PTPRG: variants seen among roughly 807,000 people sequenced by gnomAD.
PTPRG encodes receptor-type tyrosine-protein phosphatase gamma.
A neutral mutation model predicts 165.3 loss-of-function variants in PTPRG; 102 were observed. The ratio of observed to expected loss-of-function variants is 0.62; its 90% confidence interval spans 0.53 to 0.73. The LOEUF (loss-of-function observed/expected upper bound fraction) is 0.73, where lower values mean the gene tolerates loss of function less well. PTPRG is among the 30% of genes least tolerant of loss of function. The pLI is 0.00. For missense variants in PTPRG, 1,866 were observed against 1,861.4 expected, an observed-to-expected ratio of 1.00 and a Z score of -0.05; for synonymous variants, 675 against 669.5, an observed-to-expected ratio of 1.01 and a Z score of -0.13.
intron 5 of PTPRG, among the ~76,000 whole-genome samples, chr3:62,097,182 T>TGGCTGTAAAACC (rs1702147203): frequency 6.6e-6 from 1 of 152,216 alleles, no homozygotes; most frequent in African/African-American, 2.4e-5. Context: ...AAGGAGATAT[T>TGGCTGTAAAACC]GGCTGTAAAA....
chr3:62,101,072 G>C (rs2106826368), intron 5 of PTPRG, among the ~76,000 whole-genome samples: 1 of 152,318 alleles, frequency 6.6e-6, no homozygotes, highest in East Asian at 1.9e-4. Flanking sequence ...AATAATAAAT[G>C]ATTGAGGGTT....
At chr3:62,039,002 T>C (rs1700039740) in intron 4 of PTPRG, among the ~76,000 whole-genome samples, 1 of 152,178 alleles carries the variant, frequency 6.6e-6, no homozygotes, top group African/African-American at 2.4e-5. Context: ...TGGCATGATC[T>C]CAGTTCACTG....
chr3:61,701,663 C>T (rs904214476), intron 1 of PTPRG, among the ~76,000 whole-genome samples: 3 of 152,120 alleles, frequency 2.0e-5, no homozygotes, highest in Non-Finnish European at 4.4e-5. Flanking sequence ...TTTGGGAGGC[C>T]AAGGTGGGTG....
intron 2 of PTPRG, among the ~76,000 whole-genome samples, chr3:61,868,856 T>A (rs1221756049): frequency 6.6e-6 from 1 of 152,080 alleles, no homozygotes; most frequent in Non-Finnish European, 1.5e-5. Flanking sequence ...TTTAATTCAA[T>A]GTGCGCATTT....
rs1231857217 is a variant in PTPRG, at chr3:62,294,369, G to T, written c.*1062G>T. On this transcript the variant is annotated 3_prime_UTR_variant, in exon 30 of 30. Transcript: ENST00000474889. ...TAATTACATACATTTTTCTACTTAA[G>T]ATTAAATTGGAAATACTGTCTTAGC... The T allele has an allele frequency of 6.6e-6, 1 of 152,004 alleles. No homozygotes were observed. Among genetic ancestry groups the T allele is most frequent in the East Asian group, 1.9e-4 (1 of 5,184 alleles). The allele number at this position is 152,004 out of a possible 1,614,324, so 9.4% of individuals were successfully genotyped here.
At position 62,154,719 on chromosome 3, in the gene PTPRG, A is replaced by C. The variant is rs57546547; in HGVS notation, c.683-2348A>C. On this transcript the variant is annotated intron_variant, in intron 6 of 29. Coordinates refer to ENST00000474889, the MANE Select transcript of PTPRG (RefSeq NM_002841.4). ...TCAGCATACAGCATGCTTAACTGCA[A>C]CCCTAATGTTGGACTCGGCTCTGAG... Among the ~76,000 whole-genome samples the C allele has an allele frequency of 9.9e-3, 1,511 of 152,126 alleles. 25 individuals are homozygous for C. Among genetic ancestry groups the C allele is most frequent in the African/African-American group, 0.033 (1,386 of 41,490 alleles).
chr3:62,130,033 G>A (rs948016933), intron 5 of PTPRG, among the ~76,000 whole-genome samples: 3 of 152,156 alleles, frequency 2.0e-5, no homozygotes, highest in Non-Finnish European at 4.4e-5. Flanking sequence ...GCTAAATTTT[G>A]CTGTGTACCA....
chr3:62,129,302 A>C lies in PTPRG; in HGVS notation c.616-3300A>C, dbSNP rs533558384. 5.8e-4 allele frequency among the ~76,000 whole-genome samples: 89 copies of C among 152,182 alleles called. 1 individual carries two copies. Among genetic ancestry groups the C allele is most frequent in the Middle Eastern group, 3.4e-3 (1 of 294 alleles). ...ATTATTGGTGTGTATCAGTCATGGA[A>C]GATTAGAAACACTTTCTTTGAGCCT... On this transcript the variant is annotated intron_variant, in intron 5 of 29. Coordinates refer to ENST00000474889, the MANE Select transcript of PTPRG (RefSeq NM_002841.4).
intron 4 of PTPRG, among the ~76,000 whole-genome samples, chr3:62,017,407 C>T (rs1030790160): frequency 7.3e-6 from 1 of 137,218 alleles, no homozygotes; most frequent in African/African-American, 2.7e-5. Flanking sequence ...AATCGTTTAG[C>T]TCAGAAAATG....
At chr3:61,991,497 C>T (rs770745293) in intron 3 of PTPRG, among the ~76,000 whole-genome samples, 5 of 152,218 alleles carry the variant, frequency 3.3e-5, no homozygotes, top group African/African-American at 4.8e-5. Flanking sequence ...TGAGCCACTG[C>T]ACCTGGCCTG....
intron 1 of PTPRG, among the ~76,000 whole-genome samples, chr3:61,647,928 C>T (rs997321706): frequency 2.0e-5 from 3 of 151,902 alleles, no homozygotes; most frequent in Admixed American, 6.6e-5. Context: ...ATTGTGATTG[C>T]GGCCTGTGAG....
intron 10 of PTPRG, among the ~76,000 whole-genome samples, chr3:62,200,267 A>T (rs1284731517): frequency 6.6e-6 from 1 of 151,888 alleles, no homozygotes; most frequent in Non-Finnish European, 1.5e-5. Context: ...ATTTTATTTT[A>T]TTTTTATTTA....
intron 1 of PTPRG, among the ~76,000 whole-genome samples, chr3:61,586,103 G>A (rs1460401187): frequency 6.6e-6 from 1 of 151,876 alleles, no homozygotes; most frequent in Non-Finnish European, 1.5e-5. Context: ...TTTATTTTTT[G>A]CCTTGTTTTG....
intron 15 of PTPRG, among the ~76,000 whole-genome samples, chr3:62,251,701 A>C (rs1701423138): frequency 6.6e-6 from 1 of 152,186 alleles, no homozygotes; most frequent in Non-Finnish European, 1.5e-5. Context: ...GGATATTAAG[A>C]ATTAAAAAGT....
chr3:61,738,295 T>TACAC (rs2032820701), intron 1 of PTPRG, among the ~76,000 whole-genome samples: 1 of 69,670 alleles, frequency 1.4e-5, no homozygotes, highest in African/African-American at 5.6e-5. Flanking sequence ...TATATATATA[T>TACAC]ATATATATAT....
intron 2 of PTPRG, among the ~76,000 whole-genome samples, chr3:61,821,035 A>G (rs1275300027): frequency 6.6e-6 from 1 of 152,030 alleles, no homozygotes; most frequent in African/African-American, 2.4e-5. Flanking sequence ...ATTTTGCAGT[A>G]TTCTCCTCAG....
chr3:61,573,943 G>C (rs1048918585), intron 1 of PTPRG, among the ~76,000 whole-genome samples: 12 of 152,046 alleles, frequency 7.9e-5, no homozygotes, highest in Non-Finnish European at 1.5e-5. Context: ...GGTATCTGTT[G>C]CTGAGAACGG....
At position 62,296,140 on chromosome 3, in the gene PTPRG, C is replaced by A. The variant is rs1559783213; in HGVS notation, c.*2833C>A. 1.3e-5 allele frequency: 2 copies of A among 151,924 alleles called. No individual in the cohort carries two copies. Among genetic ancestry groups the A allele is most frequent in the African/African-American group, 4.8e-5 (2 of 41,446 alleles). 9.4% of individuals were successfully genotyped at this position (151,924 alleles called of 1,614,324 possible). ...ACATGCTGTTGCCATCAGGAGAACT[C>A]TTTCTTATATGCGATAGCCAAGATA... On this transcript the variant is annotated 3_prime_UTR_variant, in exon 30 of 30. Transcript: ENST00000474889.
intron 2 of PTPRG, among the ~76,000 whole-genome samples, chr3:61,799,706 G>C (rs2035174356): frequency 6.6e-6 from 1 of 152,290 alleles, no homozygotes; most frequent in Middle Eastern, 3.4e-3. Flanking sequence ...CTCCTGGACT[G>C]AGTTGGTATT....
Sources: allele counts gnomAD v4.1 joint callset (sites outside exome capture counted in the v4.1 genomes callset), GRCh38; gene constraint gnomAD v4.1.1; transcripts MANE v1.5; gene names NCBI Gene and HGNC (gene_info 2026-07-23, HGNC 2026-07-21).